ADGRL3: variants seen among roughly 807,000 people sequenced by gnomAD.
ADGRL3 encodes adhesion G protein-coupled receptor L3, also known as calcium-independent alpha-latrotoxin receptor 3.
Under a neutral mutation model 153.5 loss-of-function variants are expected in ADGRL3, and 62 were observed. The ratio of observed to expected loss-of-function variants is 0.40; its 90% CI spans 0.33 to 0.50. The LOEUF (loss-of-function observed/expected upper bound fraction) is 0.50, where lower values mean the gene tolerates loss of function less well. ADGRL3 is among the 20% of genes least tolerant of loss of function. The pLI, the probability that ADGRL3 is intolerant of heterozygous loss-of-function variation, is 0.47. For missense variants in ADGRL3, 1,641 were observed against 1,859.4 expected, an observed-to-expected ratio of 0.88 and a Z score of 2.16; for synonymous variants, 710 against 672.5, an observed-to-expected ratio of 1.06 and a Z score of -0.86.
intron 9 of ADGRL3, among the ~76,000 whole-genome samples, chr4:61,891,665 C>T (rs890950698): frequency 3.3e-5 from 5 of 152,088 alleles, no homozygotes; most frequent in African/African-American, 1.2e-4. Context: ...TATCAGAATG[C>T]CCTACATCTC....
chr4:61,917,119 G>A (rs1000622899), intron 13 of ADGRL3, among the ~76,000 whole-genome samples: 2 of 152,116 alleles, frequency 1.3e-5, no homozygotes, highest in African/African-American at 4.8e-5. Flanking sequence ...CCCAGGGAAG[G>A]TTAAATGACT....
intron 8 of ADGRL3, among the ~76,000 whole-genome samples, chr4:61,799,666 A>C (rs990238086): frequency 6.6e-6 from 1 of 152,122 alleles, no homozygotes; most frequent in Non-Finnish European, 1.5e-5. Context: ...AACCTCAGGC[A>C]ACAATATGCT....
chr4:61,212,861 A>T (rs981009634), intron 1 of ADGRL3, among the ~76,000 whole-genome samples: 3 of 152,078 alleles, frequency 2.0e-5, no homozygotes, highest in Non-Finnish European at 2.9e-5. Flanking sequence ...TTATGATTTG[A>T]TGTTATTAAG....
intron 8 of ADGRL3, among the ~76,000 whole-genome samples, chr4:61,745,204 C>A (rs2096639376): frequency 6.6e-6 from 1 of 152,118 alleles, no homozygotes; most frequent in African/African-American, 2.4e-5. Context: ...AAAAATGGGA[C>A]TATGTGAAAA....
chr4:61,957,695 T>C (rs2098972818), intron 17 of ADGRL3, among the ~76,000 whole-genome samples: 1 of 151,862 alleles, frequency 6.6e-6, no homozygotes, highest in Admixed American at 6.6e-5. Flanking sequence ...ATTTTTTTTT[T>C]TGTACAAGGA....
At chr4:61,556,612 A>G (rs1330337558) in intron 4 of ADGRL3, among the ~76,000 whole-genome samples, 1 of 152,214 alleles carries the variant, frequency 6.6e-6, no homozygotes, top group African/African-American at 2.4e-5. Context: ...ACTTGAAATT[A>G]AAGGTGTGGC....
At chr4:61,267,854 T>C (rs2092944511) in intron 1 of ADGRL3, among the ~76,000 whole-genome samples, 1 of 151,668 alleles carries the variant, frequency 6.6e-6, no homozygotes, top group Admixed American at 6.6e-5. Context: ...TTTAAAGTTT[T>C]GATTAGAGTA....
intron 8 of ADGRL3, among the ~76,000 whole-genome samples, chr4:61,811,781 T>G (rs570262824): frequency 1.4e-4 from 21 of 152,238 alleles, no homozygotes; most frequent in Middle Eastern, 6.8e-3. Context: ...TTCTTTGGTA[T>G]TAAAATGCAC....
chr4:61,725,731 CT>C (rs1321004497), intron 6 of ADGRL3, among the ~76,000 whole-genome samples: 10 of 150,760 alleles, frequency 6.6e-5, no homozygotes, highest in African/African-American at 2.2e-4. Context: ...ATATTTTTGT[CT>C]TTTCTAAAGT....
chr4:61,497,851 TTA>T (rs568828051), intron 3 of ADGRL3, among the ~76,000 whole-genome samples: 145 of 152,192 alleles, frequency 9.5e-4, no homozygotes, highest in African/African-American at 3.3e-3. Flanking sequence ...GCTGAAATAG[TTA>T]TGAGTTTCCA....
intron 9 of ADGRL3, among the ~76,000 whole-genome samples, chr4:61,846,847 C>T (rs1484863011): frequency 6.6e-6 from 1 of 151,042 alleles, no homozygotes; most frequent in Non-Finnish European, 1.5e-5. Context: ...TGGGGTGGGG[C>T]GGGAAGAAGG....
chr4:61,253,610 T>C (rs747480725), intron 1 of ADGRL3, among the ~76,000 whole-genome samples: 8 of 152,144 alleles, frequency 5.3e-5, no homozygotes, highest in Non-Finnish European at 1.0e-4. Context: ...GCATAGTGAC[T>C]GTGTCACAGG....
At chr4:62,026,131 G>T (rs556300328) in intron 21 of ADGRL3, among the ~76,000 whole-genome samples, 1 of 152,100 alleles carries the variant, frequency 6.6e-6, no homozygotes, top group Non-Finnish European at 1.5e-5. Context: ...TAAAATAAAT[G>T]CTTTGTTAAT....
At chr4:61,428,496 A>G (rs2097309268) in intron 2 of ADGRL3, among the ~76,000 whole-genome samples, 1 of 152,224 alleles carries the variant, frequency 6.6e-6, no homozygotes, top group African/African-American at 2.4e-5. Context: ...GGCTACCAAA[A>G]TTAGATCTGA....
At chr4:61,558,143 GTA>G (rs374844759) in intron 4 of ADGRL3, among the ~76,000 whole-genome samples, 8 of 119,348 alleles carry the variant, frequency 6.7e-5, no homozygotes, top group South Asian at 2.6e-4. Context: ...ATATATATAT[GTA>G]TATATATATA....
intron 2 of ADGRL3, among the ~76,000 whole-genome samples, chr4:61,418,412 T>TGATCACGGGGAAACCAGAATACCC (rs1351978786): frequency 4.2e-5 from 6 of 143,122 alleles, no homozygotes; most frequent in East Asian, 6.2e-4. Flanking sequence ...GCCGTGAACA[T>TGATCACGGGGAAACCAGAATACCC]CGGACATGGT....
intron 3 of ADGRL3, among the ~76,000 whole-genome samples, chr4:61,508,478 CTATT>C (rs541349885): frequency 4.6e-5 from 7 of 152,240 alleles, no homozygotes; most frequent in Non-Finnish European, 7.4e-5. Flanking sequence ...TAAAAGCAGA[CTATT>C]TATTCTTTTA....
chr4:61,391,790 T>C (rs1398620098), intron 2 of ADGRL3, among the ~76,000 whole-genome samples: 3 of 151,818 alleles, frequency 2.0e-5, no homozygotes, highest in African/African-American at 7.3e-5. Context: ...AGGATGACTA[T>C]GGCAAGACCT....
chr4:61,413,278 C>T (rs191896317), intron 2 of ADGRL3, among the ~76,000 whole-genome samples: 2 of 152,234 alleles, frequency 1.3e-5, no homozygotes, highest in Admixed American at 1.3e-4. Flanking sequence ...CACTGATACC[C>T]GGGGTCGGTG....
Sources: allele counts gnomAD v4.1 joint callset (sites outside exome capture counted in the v4.1 genomes callset), GRCh38; gene constraint gnomAD v4.1.1; transcripts MANE v1.5; gene names NCBI Gene and HGNC (gene_info 2026-07-23, HGNC 2026-07-21).